The following APBB1IP variants were observed in gnomAD, a reference collection of about 807,000 sequenced individuals.
APBB1IP encodes the protein amyloid beta A4 precursor protein-binding family B member 1-interacting protein.
A neutral mutation model predicts 64.9 loss-of-function variants in APBB1IP; 27 were observed. That is an observed-to-expected ratio of 0.42 (90% CI 0.31 to 0.57). The LOEUF is 0.57. Ranked by LOEUF, APBB1IP falls within the 20% of genes least tolerant of loss-of-function variation. APBB1IP has a pLI of 0.20. For synonymous variants in APBB1IP, 392 were observed against 331.0 expected, an observed-to-expected ratio of 1.18 and a Z score of -2.00; for missense variants, 812 against 845.5, an observed-to-expected ratio of 0.96 and a Z score of 0.49.
intron 2 of APBB1IP, among the ~76,000 whole-genome samples, chr10:26,490,978 A>T (rs1835947808): frequency 6.6e-6 from 1 of 152,144 alleles, no homozygotes; most frequent in Non-Finnish European, 1.5e-5. Context: ...GTTTTAGAGC[A>T]TTTTGAAATG....
intron 10 of APBB1IP, among the ~76,000 whole-genome samples, chr10:26,539,606 A>G (rs1047567922): frequency 2.6e-5 from 4 of 152,138 alleles, no homozygotes; most frequent in Non-Finnish European, 5.9e-5. Context: ...AACGGAGAAA[A>G]ATGGCCAGAT....
intron 6 of APBB1IP, among the ~76,000 whole-genome samples, chr10:26,503,830 GA>G (rs1275568981): frequency 1.3e-5 from 2 of 152,052 alleles, no homozygotes; most frequent in Non-Finnish European, 2.9e-5. Context: ...GCTTGTACAT[GA>G]TTTTTTTTGC....
chr10:26,510,614 T>C (rs899088763), intron 6 of APBB1IP, among the ~76,000 whole-genome samples: 2 of 151,956 alleles, frequency 1.3e-5, no homozygotes, highest in Non-Finnish European at 2.9e-5. Context: ...TGCACACCTG[T>C]GGTCCCAACC....
At chr10:26,498,848 T>C (rs944183180) in intron 4 of APBB1IP, among the ~76,000 whole-genome samples, 10 of 152,242 alleles carry the variant, frequency 6.6e-5, no homozygotes, top group Admixed American at 6.5e-4. Flanking sequence ...CTAATTTGGA[T>C]ACAGGACAAG....
At chr10:26,440,313 G>A (rs768916415) in intron 2 of APBB1IP, among the ~76,000 whole-genome samples, 2 of 152,078 alleles carry the variant, frequency 1.3e-5, no homozygotes, top group African/African-American at 4.8e-5. Flanking sequence ...TTGAGGAGTT[G>A]CTATAATTCT....
intron 11 of APBB1IP, among the ~76,000 whole-genome samples, chr10:26,545,480 G>A (rs1403491600): frequency 6.6e-6 from 1 of 152,162 alleles, no homozygotes; most frequent in Non-Finnish European, 1.5e-5. Context: ...CAAAAATTAG[G>A]CCGGGCGCGG....
chr10:26,482,760 T>G (rs916137974), intron 2 of APBB1IP, among the ~76,000 whole-genome samples: 2 of 151,992 alleles, frequency 1.3e-5, no homozygotes, highest in African/African-American at 4.8e-5. Context: ...TCAATTCCAG[T>G]TCTATTTTAG....
chr10:26,534,510 C>G (rs79219775), intron 9 of APBB1IP, among the ~76,000 whole-genome samples: 1 of 152,060 alleles, frequency 6.6e-6, no homozygotes, highest in East Asian at 1.9e-4. Flanking sequence ...GTGATGCCCT[C>G]GGCATCCGGT....
At chr10:26,518,440 G>T (rs935425341) in intron 8 of APBB1IP, among the ~76,000 whole-genome samples, 4 of 152,060 alleles carry the variant, frequency 2.6e-5, no homozygotes, top group Non-Finnish European at 5.9e-5. Context: ...TAGAGACGGG[G>T]TTTCACCATG....
intron 2 of APBB1IP, among the ~76,000 whole-genome samples, chr10:26,448,666 A>AC (rs1452842710): frequency 6.6e-6 from 1 of 152,182 alleles, no homozygotes; most frequent in African/African-American, 2.4e-5. Flanking sequence ...TCATCTTTAA[A>AC]CCTACACCCA....
intron 8 of APBB1IP, among the ~76,000 whole-genome samples, chr10:26,515,290 C>T (rs754300212): frequency 5.3e-5 from 8 of 152,198 alleles, no homozygotes; most frequent in African/African-American, 9.6e-5. Flanking sequence ...TTCTCTCTCA[C>T]GCACTGGTCC....
intron 5 of APBB1IP, chr10:26,501,929 C>T (rs1270168239): frequency 6.6e-6 from 1 of 152,164 alleles, no homozygotes; most frequent in Admixed American, 6.5e-5. Flanking sequence ...TTAAATTATA[C>T]TCTATCACAC....
At chr10:26,507,817 G>C (rs1337239948) in intron 6 of APBB1IP, among the ~76,000 whole-genome samples, 2 of 152,206 alleles carry the variant, frequency 1.3e-5, no homozygotes, top group African/African-American at 4.8e-5. Context: ...TTAAAAGATA[G>C]AACAGCCAGC....
rs527615387 is a variant in APBB1IP at position 26,489,958 on chromosome 10, G to C, written c.1-2369G>C. 2.0e-5 allele frequency among the ~76,000 whole-genome samples: 3 copies of C among 152,324 alleles called. No individual in the cohort carries two copies. The South Asian group carries it at 6.2e-4, about 32-fold the overall frequency. ...GAGAATTGCTTGAACCCAGGAGGCA[G>C]AGTTTGCAGTGAGCTGAGATCAGGC... On this transcript the variant is annotated intron_variant, in intron 2 of 14. Transcript: ENST00000376236.
chr10:26,472,919 A>AG lies in APBB1IP; in HGVS notation c.1-19403dup, dbSNP rs1835736410. On this transcript the variant is annotated intron_variant, in intron 2 of 14. Transcript: ENST00000376236. ...ACCACTGCACTCCAGCCTGGGCGAC[A>AG]GGGGGAGACTTCATCAAAAACAAAA... Among the ~76,000 whole-genome samples the AG allele has an allele frequency of 7.9e-5, 12 of 151,552 alleles. No individual in the cohort carries two copies. The South Asian group carries it at 2.5e-3, about 32-fold the overall frequency.
intron 8 of APBB1IP, among the ~76,000 whole-genome samples, chr10:26,527,419 C>A (rs575367250): frequency 8.6e-5 from 13 of 151,802 alleles, no homozygotes; most frequent in South Asian, 4.2e-4. Context: ...TGATGGCATG[C>A]ACTTGTGGTC....
intron 11 of APBB1IP, among the ~76,000 whole-genome samples, chr10:26,543,100 T>G (rs766033982): frequency 4.6e-5 from 7 of 151,178 alleles, no homozygotes; most frequent in Non-Finnish European, 7.4e-5. Flanking sequence ...CCCAGAATAA[T>G]GACTGTGAAA....
At position 26,517,065 on chromosome 10, in the gene APBB1IP, G is replaced by C. The variant is rs992427093; in HGVS notation, c.813+3405G>C. Among the ~76,000 whole-genome samples, 21 of 152,338 alleles carry C rather than the reference G, an allele frequency of 1.4e-4. No individual in the cohort carries two copies. The South Asian group carries it at 3.1e-3, about 23-fold the overall frequency. ...AATCTTGATGGCTTGCTGCCTGCAG[G>C]AAGAGGAGGTCAGCTCACCCTTTCT... On this transcript the variant is annotated intron_variant, in intron 8 of 14. Coordinates refer to ENST00000376236, the MANE Select transcript of APBB1IP (RefSeq NM_019043.4).
intron 8 of APBB1IP, among the ~76,000 whole-genome samples, chr10:26,518,067 G>C (rs993295575): frequency 6.6e-6 from 1 of 152,002 alleles, no homozygotes; most frequent in African/African-American, 2.4e-5. Flanking sequence ...CGATTCTCCT[G>C]TCTCAGCCTC....
Sources: allele counts gnomAD v4.1 joint callset (sites outside exome capture counted in the v4.1 genomes callset), GRCh38; gene constraint gnomAD v4.1.1; transcripts MANE v1.5; gene names NCBI Gene and HGNC (gene_info 2026-07-23, HGNC 2026-07-21).